Variants in ADAMTS17 observed in about 807,000 individuals in gnomAD.
The protein encoded by ADAMTS17 is ADAM metallopeptidase with thrombospondin type 1 motif 17.
A neutral mutation model predicts 141.5 loss-of-function variants in ADAMTS17; 113 were observed. That is an observed-to-expected ratio of 0.80 (90% CI 0.69 to 0.93). The LOEUF (loss-of-function observed/expected upper bound fraction) is 0.93, where lower values mean the gene tolerates loss of function less well. Ranked by LOEUF, ADAMTS17 falls within the 40% of genes least tolerant of loss-of-function variation. The pLI is 0.00. For synonymous variants in ADAMTS17, 768 were observed against 630.6 expected, an observed-to-expected ratio of 1.22 and a Z score of -3.27; for missense variants, 1,659 against 1,517.9, an observed-to-expected ratio of 1.09 and a Z score of -1.54.
At chr15:100,298,854 A>G (rs2044920457) in intron 3 of ADAMTS17, among the ~76,000 whole-genome samples, 1 of 152,184 alleles carries the variant, frequency 6.6e-6, no homozygotes, top group African/African-American at 2.4e-5. Flanking sequence ...AATGCACTTA[A>G]ATGAAAGAAA....
intron 13 of ADAMTS17, among the ~76,000 whole-genome samples, chr15:100,114,502 T>A (rs1366263895): frequency 6.6e-6 from 1 of 152,118 alleles, no homozygotes; most frequent in African/African-American, 2.4e-5. Context: ...TTGAGAGAAA[T>A]GAAACTGCAG....
chr15:100,306,513 C>T (rs753511613), intron 3 of ADAMTS17: 1 of 455,950 alleles, frequency 2.2e-6, no homozygotes, highest in Non-Finnish European at 4.4e-6. Flanking sequence ...ATGAATGAGG[C>T]ACCTCCAGAT....
At chr15:100,176,809 G>A (rs1391075305) in intron 8 of ADAMTS17, among the ~76,000 whole-genome samples, 1 of 152,128 alleles carries the variant, frequency 6.6e-6, no homozygotes, top group Admixed American at 6.5e-5. Flanking sequence ...CCACTAGTCT[G>A]CTCTCCATCT....
At chr15:100,047,823 G>A (rs58968999) in intron 18 of ADAMTS17, among the ~76,000 whole-genome samples, 2,990 of 152,210 alleles carry the variant, frequency 0.02, 98 homozygotes, top group African/African-American at 0.067. Context: ...TGGACTGATC[G>A]ATAGGTTCGT....
At chr15:100,306,715 C>T (rs796436006) in intron 3 of ADAMTS17, 25 of 377,540 alleles carry the variant, frequency 6.6e-5, no homozygotes, top group African/African-American at 2.1e-4. Context: ...CAGCAGTCAG[C>T]GCCATAACTT....
chr15:100,268,854 G>A (rs1293884318), intron 4 of ADAMTS17, among the ~76,000 whole-genome samples: 2 of 152,142 alleles, frequency 1.3e-5, no homozygotes, highest in African/African-American at 2.4e-5. Flanking sequence ...AAAGCCAGAA[G>A]TATCACATTA....
At chr15:100,081,113 G>T (rs562549820) in intron 15 of ADAMTS17, among the ~76,000 whole-genome samples, 6 of 152,274 alleles carry the variant, frequency 3.9e-5, no homozygotes, top group African/African-American at 1.4e-4. Flanking sequence ...TTAATCTGGT[G>T]GGCACAATCT....
At chr15:100,259,756 C>T (rs1174316427) in intron 6 of ADAMTS17, among the ~76,000 whole-genome samples, 1 of 152,224 alleles carries the variant, frequency 6.6e-6, no homozygotes, top group Non-Finnish European at 1.5e-5. Context: ...AAAGCATACT[C>T]AGGGCTGGCA....
chr15:100,262,035 G>A (rs2043538251), intron 5 of ADAMTS17, among the ~76,000 whole-genome samples: 2 of 152,156 alleles, frequency 1.3e-5, no homozygotes, highest in South Asian at 2.1e-4. Context: ...AAGCTCTAAT[G>A]TAGTTTCAGA....
intron 20 of ADAMTS17, chr15:99,978,722 G>C (rs2060420038): frequency 6.6e-6 from 1 of 152,240 alleles, no homozygotes; most frequent in Non-Finnish European, 1.5e-5. Context: ...GGTGTTGGGG[G>C]CACCTTGGAG....
At chr15:100,259,789 T>C (rs547908279) in intron 6 of ADAMTS17, among the ~76,000 whole-genome samples, 25 of 152,002 alleles carry the variant, frequency 1.6e-4, no homozygotes, top group Non-Finnish European at 3.1e-4. Context: ...TCCACAAGAG[T>C]GAGCAGGCAT....
intron 13 of ADAMTS17, among the ~76,000 whole-genome samples, chr15:100,115,190 A>C (rs1468226589): frequency 6.6e-6 from 1 of 152,176 alleles, no homozygotes. Flanking sequence ...CTCGCTTCCA[A>C]TTAGGGGTCT....
At chr15:100,168,185 A>C (rs57623076) in intron 8 of ADAMTS17, among the ~76,000 whole-genome samples, 1 of 151,950 alleles carries the variant, frequency 6.6e-6, no homozygotes, top group Non-Finnish European at 1.5e-5. Context: ...GGCTCCATTC[A>C]CCTCTCCTGG....
intron 7 of ADAMTS17, among the ~76,000 whole-genome samples, chr15:100,201,292 T>C (rs1020262864): frequency 6.6e-6 from 1 of 152,158 alleles, no homozygotes; most frequent in Non-Finnish European, 1.5e-5. Context: ...TTAGTTCTCA[T>C]GAGAGCTGAT....
intron 5 of ADAMTS17, among the ~76,000 whole-genome samples, 199 bp from the exon 6 acceptor site, chr15:100,261,835 G>C (rs6598318): frequency 6.6e-5 from 10 of 151,602 alleles, no homozygotes; most frequent in Admixed American, 5.9e-4. Context: ...CTTACATATA[G>C]GTGCAAGTGA....
chr15:100,084,884 A>C (rs1409301428), intron 15 of ADAMTS17, among the ~76,000 whole-genome samples: 2 of 152,234 alleles, frequency 1.3e-5, no homozygotes, highest in Non-Finnish European at 2.9e-5. Context: ...AAAACCACCA[A>C]CATGGGGAAA....
chr15:100,280,391 C>A (rs1214019451), intron 4 of ADAMTS17, among the ~76,000 whole-genome samples: 2 of 152,248 alleles, frequency 1.3e-5, no homozygotes, highest in East Asian at 3.9e-4. Context: ...CCCACTCCAA[C>A]CTCTCCCACA....
intron 15 of ADAMTS17, among the ~76,000 whole-genome samples, chr15:100,062,770 G>A (rs7170726): frequency 0.012 from 1,755 of 152,282 alleles, 28 homozygotes; most frequent in African/African-American, 0.039. Context: ...GCTGAGAGAT[G>A]ATGACATGAA....
chr15:100,033,467 A>G (rs549945020), intron 18 of ADAMTS17, among the ~76,000 whole-genome samples: 68 of 152,312 alleles, frequency 4.5e-4, no homozygotes, highest in African/African-American at 1.5e-3. Flanking sequence ...ATTCTAGCTG[A>G]GAGCAGAATG....
Sources: allele counts gnomAD v4.1 joint callset (sites outside exome capture counted in the v4.1 genomes callset), GRCh38; gene constraint gnomAD v4.1.1; transcripts MANE v1.5; gene names NCBI Gene and HGNC (gene_info 2026-07-23, HGNC 2026-07-21).